BTBD16: variants seen among roughly 807,000 people sequenced by gnomAD.
BTBD16 encodes the protein BTB/POZ domain-containing protein 16.
A neutral mutation model predicts 67.4 loss-of-function variants in BTBD16; 66 were observed. That is an observed-to-expected ratio of 0.98 (90% CI 0.80 to 1.20). The LOEUF is 1.20. BTBD16 is among the 50% of genes most tolerant of loss of function. The pLI is 0.00. For missense variants in BTBD16, 634 were observed against 616.0 expected (o/e 1.03, Z -0.31); for synonymous variants, 242 against 236.4 (o/e 1.02, Z -0.22).
intron 4 of BTBD16, among the ~76,000 whole-genome samples, chr10:122,284,127 A>G (rs1005520421): frequency 2.0e-5 from 3 of 152,188 alleles, no homozygotes; most frequent in African/African-American, 7.2e-5. Flanking sequence ...AGCTTGGTAA[A>G]CACATTTTCA....
intron 8 of BTBD16, 43 bp downstream of exon 8, chr10:122,297,880 C>T (rs753017061): frequency 3.1e-6 from 5 of 1,587,876 alleles, no homozygotes; most frequent in Non-Finnish European, 4.3e-6. Context: ...TTGGGGGGGC[C>T]TTCAGGAGCA....
chr10:122,273,738 A>G (rs943094155), intron 1 of BTBD16, among the ~76,000 whole-genome samples: 2 of 152,112 alleles, frequency 1.3e-5, no homozygotes, highest in Non-Finnish European at 2.9e-5. Flanking sequence ...ACAGAGCAAG[A>G]CCCTGTCTCA....
At chr10:122,333,683 G>A (rs777050289) in intron 13 of BTBD16, among the ~76,000 whole-genome samples, 19 of 152,092 alleles carry the variant, frequency 1.2e-4, no homozygotes, top group Non-Finnish European at 1.8e-4. Flanking sequence ...GAAAAGTATG[G>A]GGAAAAACAT....
At chr10:122,277,898 G>T (rs2142044790) in intron 3 of BTBD16, among the ~76,000 whole-genome samples, 1 of 152,286 alleles carries the variant, frequency 6.6e-6, no homozygotes, top group East Asian at 1.9e-4. Context: ...TGGTGCCATG[G>T]ACCTGGCTTG....
At position 122,276,801 on chromosome 10, in the gene BTBD16, G is replaced by T; in HGVS notation, c.29G>T (p.Arg10Leu). 2 of 1,614,124 alleles carry T rather than the reference G, an allele frequency of 1.2e-6. No homozygotes were observed. Among genetic ancestry groups the T allele is most frequent in the South Asian group, 1.1e-5 (1 of 91,066 alleles). The change falls in exon 3 of 16, where the codon CGG becomes CTG. Residue 10 changes from arginine to leucine, a missense_variant. By Grantham distance (102) the Arg-to-Leu change is moderately radical. Transcript: ENST00000260723. MIMSNTHKARLERRVTGSTN... is the reference protein window; with the variant it reads MIMSNTHKALLERRVTGSTN... ...TTGATTACCAAGCAGCACAAAGCTC[G>T]GCTGGAACGCCGGGTCACTGGCTCA...
rs774819452 is a variant in BTBD16 at position 122,287,042 on chromosome 10, G to A, written c.385+794G>A. On this transcript the variant is annotated intron_variant, in intron 5 of 15. Transcript: ENST00000260723. ...TTATTCTAGAGCCAGACAGGCAGCC[G>A]GAGCCCCCAGTCACTCCCCCTCCCT... Among the ~76,000 whole-genome samples, 6 of 152,082 alleles carry A rather than the reference G, an allele frequency of 3.9e-5. 1 individual carries two copies. The highest frequency in any genetic ancestry group is 2.6e-4 in the Admixed American group (4 of 15,274).
At chr10:122,331,056 C>A in intron 11 of BTBD16, 120 bp from the exon 12 acceptor site, 2 of 1,318,226 alleles carry the variant, frequency 1.5e-6, no homozygotes, top group East Asian at 2.6e-5. Context: ...TTAAAGGAGA[C>A]CATCCACCCC....
chr10:122,309,309 C>A (rs947036531), intron 10 of BTBD16, among the ~76,000 whole-genome samples: 3 of 151,212 alleles, frequency 2.0e-5, no homozygotes, highest in African/African-American at 7.3e-5. Context: ...AAAATTATTA[C>A]TATTATTATT....
At chr10:122,322,611 GCAGCC>G (rs2096437528) in intron 10 of BTBD16, among the ~76,000 whole-genome samples, 1 of 152,190 alleles carries the variant, frequency 6.6e-6, no homozygotes, top group Non-Finnish European at 1.5e-5. Flanking sequence ...GATGTGAGAA[GCAGCC>G]CATTGCAGTT....
intron 7 of BTBD16, chr10:122,295,181 G>A: frequency 2.3e-6 from 1 of 430,676 alleles, no homozygotes; most frequent in Non-Finnish European, 3.1e-6. Context: ...GGGAGGTAAG[G>A]AACCAGGTAG....
intron 7 of BTBD16, among the ~76,000 whole-genome samples, chr10:122,296,171 T>A (rs995890053): frequency 6.6e-6 from 1 of 152,158 alleles, no homozygotes; most frequent in South Asian, 2.1e-4. Context: ...ACTATTAGTA[T>A]GAAAACTGTG....
chr10:122,326,925 T>A (rs1024205409), intron 10 of BTBD16, among the ~76,000 whole-genome samples: 1 of 152,230 alleles, frequency 6.6e-6, no homozygotes, highest in African/African-American at 2.4e-5. Context: ...AGTCCACCAG[T>A]GTAGCCAAGC....
At chr10:122,272,706 C>CACACACACAG (rs1011970289) in intron 1 of BTBD16, among the ~76,000 whole-genome samples, 1 of 149,078 alleles carries the variant, frequency 6.7e-6, no homozygotes, top group African/African-American at 2.5e-5. Flanking sequence ...CACACACACA[C>CACACACACAG]AGGACATATT....
chr10:122,304,723 T>A (rs2096400419), intron 9 of BTBD16, among the ~76,000 whole-genome samples: 2 of 151,886 alleles, frequency 1.3e-5, no homozygotes, highest in African/African-American at 4.8e-5. Flanking sequence ...CCGGATAATT[T>A]TTTGTATTTT....
intron 10 of BTBD16, among the ~76,000 whole-genome samples, chr10:122,313,169 G>A (rs1230550670): frequency 6.6e-6 from 1 of 151,800 alleles, no homozygotes; most frequent in Non-Finnish European, 1.5e-5. Flanking sequence ...GAGCCACTGT[G>A]CCTGGCCTCA....
chr10:122,307,908 A>G (rs1190461857), intron 10 of BTBD16, among the ~76,000 whole-genome samples: 1 of 152,258 alleles, frequency 6.6e-6, no homozygotes, highest in Non-Finnish European at 1.5e-5. Flanking sequence ...TCTGGAACAG[A>G]ACATCTGTGC....
At position 122,277,041 on chromosome 10, in the gene BTBD16, G is replaced by A. The variant is rs535862861; in HGVS notation, c.167+102G>A. 5.9e-6 allele frequency: 8 copies of A among 1,360,346 alleles called. No homozygotes were observed. In the African/African-American group the frequency reaches 1.2e-4, roughly 20 times the overall value. The allele number at this position is 1,360,346 out of a possible 1,614,324, so 84.3% of individuals were successfully genotyped here. On this transcript the variant is annotated intron_variant, in intron 3 of 15. Coordinates refer to ENST00000260723, the MANE Select transcript of BTBD16 (RefSeq NM_144587.5). ...TCTGATTGGCTGCAGTGGCTGTCAA[G>A]GGCACATCTGCAAGGAAGGCTCCCT...
At chr10:122,298,045 A>C (rs1047003015) in intron 8 of BTBD16, among the ~76,000 whole-genome samples, 7 of 152,236 alleles carry the variant, frequency 4.6e-5, no homozygotes, top group Admixed American at 3.3e-4. Context: ...AACACCAAAA[A>C]AATAGAAAGA....
rs540954017 is a variant in BTBD16 at position 122,332,113 on chromosome 10, C to T, written c.1087-323C>T. On this transcript the variant is annotated intron_variant, in intron 12 of 15. Coordinates refer to ENST00000260723, the MANE Select transcript of BTBD16 (RefSeq NM_144587.5). Reference sequence around the variant, plus strand: ...CCCCAGCCCTCACCTTGGAGCCTCCCATGAGGGGCCTTGCTTGCTCTTGAT... The same window carrying T: ...CCCCAGCCCTCACCTTGGAGCCTCCTATGAGGGGCCTTGCTTGCTCTTGAT... 2.2e-5 allele frequency: 5 copies of T among 231,408 alleles called. No homozygotes were observed. The South Asian group carries it at 4.0e-4, about 19-fold the overall frequency. The allele number at this position is 231,408 out of a possible 1,614,324, so 14.3% of individuals were successfully genotyped here. A position where few individuals can be genotyped will look rare whatever the true frequency, so the allele number is the denominator to read the frequency against.
Sources: allele counts gnomAD v4.1 joint callset (sites outside exome capture counted in the v4.1 genomes callset), GRCh38; gene constraint gnomAD v4.1.1; transcripts MANE v1.5; gene names NCBI Gene and HGNC (gene_info 2026-07-23, HGNC 2026-07-21).